RBMS3: variants seen among roughly 807,000 people sequenced by gnomAD.
The protein encoded by RBMS3 is RNA binding motif single stranded interacting protein 3, also known as RNA-binding motif, single-stranded-interacting protein 3.
RBMS3 carries 27 observed loss-of-function variants against 66.8 expected under a neutral mutation model. The ratio of observed to expected loss-of-function variants is 0.40; its 90% CI spans 0.30 to 0.56. The LOEUF (loss-of-function observed/expected upper bound fraction) is 0.56, where lower values mean the gene tolerates loss of function less well. RBMS3 is among the 20% of genes least tolerant of loss of function. The pLI is 0.40. For synonymous variants in RBMS3, 188 were observed against 183.0 expected (o/e 1.03, Z -0.22); for missense variants, 513 against 549.5 (o/e 0.93, Z 0.66).
chr3:29,327,477 C>T (rs1417203050), intron 1 of RBMS3, among the ~76,000 whole-genome samples: 1 of 152,136 alleles, frequency 6.6e-6, no homozygotes, highest in Non-Finnish European at 1.5e-5. Flanking sequence ...TTTTCTCTTC[C>T]TACTTCTCCC....
At chr3:29,987,672 A>G (rs1043159037) in intron 12 of RBMS3, among the ~76,000 whole-genome samples, 6 of 152,212 alleles carry the variant, frequency 3.9e-5, no homozygotes, top group Admixed American at 3.3e-4. Flanking sequence ...CATAACTATT[A>G]CATTACTTTG....
intron 1 of RBMS3, among the ~76,000 whole-genome samples, chr3:29,388,785 C>T (rs542831410): frequency 6.6e-6 from 1 of 152,240 alleles, no homozygotes; most frequent in East Asian, 1.9e-4. Flanking sequence ...AGGATGGTCT[C>T]AATCTCCTGA....
At chr3:29,826,428 C>A (rs529519387) in intron 6 of RBMS3, among the ~76,000 whole-genome samples, 1 of 152,242 alleles carries the variant, frequency 6.6e-6, no homozygotes, top group African/African-American at 2.4e-5. Flanking sequence ...TTATCGCCAT[C>A]TATTAGGATC....
At chr3:29,925,154 A>G (rs1357857962) in intron 10 of RBMS3, 1 of 152,226 alleles carries the variant, frequency 6.6e-6, no homozygotes, top group Non-Finnish European at 1.5e-5. Flanking sequence ...TAAAACTTTA[A>G]TTTTTAAACT....
chr3:29,293,713 ATT>A (rs1004578350), intron 1 of RBMS3, among the ~76,000 whole-genome samples: 1 of 148,344 alleles, frequency 6.7e-6, no homozygotes, highest in Admixed American at 6.7e-5. Flanking sequence ...TAGGGCTAAT[ATT>A]TTTTTTTTCT....
intron 7 of RBMS3, among the ~76,000 whole-genome samples, chr3:29,882,510 C>A (rs769871118): frequency 2.0e-5 from 3 of 152,058 alleles, no homozygotes; most frequent in Non-Finnish European, 2.9e-5. Flanking sequence ...CATTTCAATT[C>A]TGTTTGCAAA....
intron 4 of RBMS3, among the ~76,000 whole-genome samples, chr3:29,684,348 C>T (rs2051622376): frequency 6.6e-6 from 1 of 152,086 alleles, no homozygotes; most frequent in African/African-American, 2.4e-5. Flanking sequence ...TTATAACAGA[C>T]TTTAATGTTT....
At chr3:29,589,190 G>A (rs2047639633) in intron 4 of RBMS3, among the ~76,000 whole-genome samples, 1 of 152,070 alleles carries the variant, frequency 6.6e-6, no homozygotes. Flanking sequence ...CCAGCATTCT[G>A]CTGCACTGAG....
chr3:29,531,399 T>C (rs747827041), intron 3 of RBMS3, among the ~76,000 whole-genome samples: 1 of 152,396 alleles, frequency 6.6e-6, no homozygotes, highest in African/African-American at 2.4e-5. Flanking sequence ...TTTTCATTTC[T>C]GTTTATTTCA....
At chr3:29,397,633 T>A (rs1370233079) in intron 1 of RBMS3, among the ~76,000 whole-genome samples, 1 of 152,152 alleles carries the variant, frequency 6.6e-6, no homozygotes, top group African/African-American at 2.4e-5. Context: ...CACATGTCCT[T>A]CTTCTCCCAT....
intron 2 of RBMS3, among the ~76,000 whole-genome samples, chr3:29,461,776 C>T (rs1327733043): frequency 6.6e-6 from 1 of 151,278 alleles, no homozygotes; most frequent in Non-Finnish European, 1.5e-5. Context: ...TTTTTTGAAA[C>T]GGAGTCTCAC....
intron 1 of RBMS3, among the ~76,000 whole-genome samples, chr3:29,291,303 A>C (rs1163328598): frequency 6.6e-6 from 1 of 151,886 alleles, no homozygotes; most frequent in Non-Finnish European, 1.5e-5. Flanking sequence ...GCCTTTTGGC[A>C]CTCAAAATAT....
At chr3:29,897,681 C>T (rs547370537) in intron 9 of RBMS3, among the ~76,000 whole-genome samples, 1 of 151,650 alleles carries the variant, frequency 6.6e-6, no homozygotes, top group African/African-American at 2.4e-5. Flanking sequence ...ATCCACTATG[C>T]TTTTCATTCT....
chr3:29,783,706 A>G (rs973782549), intron 6 of RBMS3, among the ~76,000 whole-genome samples: 1 of 152,182 alleles, frequency 6.6e-6, no homozygotes, highest in Non-Finnish European at 1.5e-5. Context: ...CAATACTAAC[A>G]TTGAATGTAA....
In RBMS3 at chr3:29,833,167, C is replaced by G. The variant is rs1373315142; in HGVS notation, c.638-35691C>G. On this transcript the variant is annotated intron_variant, in intron 6 of 14. Transcript: ENST00000383767. ...CTGAATCTAAGAGAGCTCAGAATCT[C>G]TGGCTGGGTTGATTGGTGAAGGATT... 2.0e-5 allele frequency among the ~76,000 whole-genome samples: 3 copies of G among 152,184 alleles called. No homozygotes were observed. The East Asian group carries it at 5.8e-4, about 29-fold the overall frequency.
chr3:29,300,342 T>C (rs2033588559), intron 1 of RBMS3, among the ~76,000 whole-genome samples: 1 of 151,966 alleles, frequency 6.6e-6, no homozygotes, highest in African/African-American at 2.4e-5. Context: ...GAGATTAAAG[T>C]GTATATCTAC....
At chr3:29,921,961 A>T (rs1426480339) in intron 10 of RBMS3, among the ~76,000 whole-genome samples, 2 of 152,098 alleles carry the variant, frequency 1.3e-5, no homozygotes, top group African/African-American at 4.8e-5. Flanking sequence ...ACAGTGGGAG[A>T]TGCAAGTCTT....
intron 3 of RBMS3, among the ~76,000 whole-genome samples, chr3:29,510,267 T>A (rs564123236): frequency 4.6e-5 from 7 of 152,312 alleles, no homozygotes; most frequent in Non-Finnish European, 8.8e-5. Flanking sequence ...TTCACCTTGT[T>A]CTAATATGTA....
At chr3:29,575,358 GTC>G (rs2047084183) in intron 3 of RBMS3, among the ~76,000 whole-genome samples, 1 of 151,610 alleles carries the variant, frequency 6.6e-6, no homozygotes, top group Non-Finnish European at 1.5e-5. Context: ...CTACTGAAAA[GTC>G]TGTTACCAGA....
Sources: allele counts gnomAD v4.1 joint callset (sites outside exome capture counted in the v4.1 genomes callset), GRCh38; gene constraint gnomAD v4.1.1; transcripts MANE v1.5; gene names NCBI Gene and HGNC (gene_info 2026-07-23, HGNC 2026-07-21).